CRISPLD2: variants seen among roughly 807,000 people sequenced by gnomAD.
The protein encoded by CRISPLD2 is cysteine-rich secretory protein LCCL domain-containing 2.
In CRISPLD2, 47 loss-of-function variants were observed where a neutral mutation model predicts 71.1. The observed-to-expected ratio is 0.66, with a 90% CI of 0.52 to 0.84. The LOEUF (loss-of-function observed/expected upper bound fraction) is 0.84, where lower values mean the gene tolerates loss of function less well. Among genes scored for constraint, CRISPLD2 ranks in the 40% least tolerant of loss-of-function variants. The probability of loss-of-function intolerance (pLI) is 0.00; values close to 1 mark genes in which losing one functional copy is unlikely to be tolerated. For missense variants in CRISPLD2, 830 were observed against 651.1 expected, an observed-to-expected ratio of 1.27 and a Z score of -2.99; for synonymous variants, 317 against 250.1, an observed-to-expected ratio of 1.27 and a Z score of -2.52.
intron 2 of CRISPLD2, 42 bp from the exon 3 acceptor site, chr16:84,845,744 C>T: frequency 1.4e-6 from 2 of 1,382,538 alleles, no homozygotes; most frequent in Non-Finnish European, 2.1e-6. Flanking sequence ...ATGCCCCTCC[C>T]TCACCCTCAC....
chr16:84,879,149 A>G (rs1238112203), intron 12 of CRISPLD2, among the ~76,000 whole-genome samples: 1 of 152,178 alleles, frequency 6.6e-6, no homozygotes, highest in Non-Finnish European at 1.5e-5. Context: ...CTGCCTCCGC[A>G]CCACCGTCTT....
intron 14 of CRISPLD2, among the ~76,000 whole-genome samples, chr16:84,890,774 A>C (rs1249902738): frequency 6.6e-6 from 1 of 152,132 alleles, no homozygotes; most frequent in East Asian, 1.9e-4. Flanking sequence ...CAGCCTGGGC[A>C]ACAAGAGCAA....
At chr16:84,899,827 C>T (rs532414085) in intron 14 of CRISPLD2, among the ~76,000 whole-genome samples, 1 of 152,132 alleles carries the variant, frequency 6.6e-6, no homozygotes, top group African/African-American at 2.4e-5. Flanking sequence ...ACATGAGAAC[C>T]CACTGCACCG....
intron 14 of CRISPLD2, among the ~76,000 whole-genome samples, chr16:84,895,855 C>A (rs1218378748): frequency 1.3e-5 from 2 of 152,128 alleles, no homozygotes; most frequent in Non-Finnish European, 2.9e-5. Flanking sequence ...GGACTTTTTA[C>A]AGTGTCCCTA....
At chr16:84,867,620 C>T (rs112553155) in intron 7 of CRISPLD2, among the ~76,000 whole-genome samples, 1,550 of 152,294 alleles carry the variant, frequency 0.01, 23 homozygotes, top group African/African-American at 0.036. Context: ...AGGTTGGAGT[C>T]CAGTGGCATG....
intron 6 of CRISPLD2, among the ~76,000 whole-genome samples, chr16:84,859,847 C>T (rs1192726865): frequency 6.6e-6 from 1 of 152,222 alleles, no homozygotes; most frequent in East Asian, 1.9e-4. Context: ...TGCCACTTGG[C>T]CCCTGCCACC....
At position 84,838,663 on chromosome 16, in the gene CRISPLD2, G is replaced by A. The variant is rs1916689629; in HGVS notation, c.168G>A (p.Lys56=). 1 of 1,614,248 alleles carries A rather than the reference G, an allele frequency of 6.2e-7. No individual in the cohort carries two copies. Among genetic ancestry groups the A allele is most frequent in the Non-Finnish European group, 8.5e-7 (1 of 1,180,046 alleles). Residue 56 remains lysine (K), a synonymous_variant, in exon 2 of 15, where the codon AAG becomes AAA. Transcript: ENST00000262424. ...RVRRAIPRED[K]EEILMLHNKL... ...GCAGAGCCATCCCCAGGGAGGACAA[G>A]GAGGAGATCCTCATGCTGCACAACA...
intron 2 of CRISPLD2, chr16:84,839,326 G>A (rs934569343): frequency 2.7e-4 from 68 of 255,898 alleles, no homozygotes; most frequent in Non-Finnish European, 4.4e-4. Flanking sequence ...GCAGAGTGGG[G>A]AGGGGCCCAG....
At chr16:84,827,696 A>T (rs1434938838) in intron 1 of CRISPLD2, among the ~76,000 whole-genome samples, 2 of 151,464 alleles carry the variant, frequency 1.3e-5, no homozygotes, top group African/African-American at 2.4e-5. Flanking sequence ...CCTCCCAAGT[A>T]GCTGGGACTA....
At chr16:84,860,718 C>A (rs898873469) in intron 6 of CRISPLD2, among the ~76,000 whole-genome samples, 1 of 152,174 alleles carries the variant, frequency 6.6e-6, no homozygotes, top group Non-Finnish European at 1.5e-5. Context: ...CCACACTTCC[C>A]CATTCTTTTC....
chr16:84,866,165 A>T (rs368568232), intron 6 of CRISPLD2, among the ~76,000 whole-genome samples: 3 of 151,986 alleles, frequency 2.0e-5, no homozygotes, highest in African/African-American at 7.3e-5. Flanking sequence ...TCCCCAGTGA[A>T]AACCCAGGGA....
intron 6 of CRISPLD2, among the ~76,000 whole-genome samples, chr16:84,858,206 C>T (rs1477649663): frequency 1.3e-5 from 2 of 152,178 alleles, no homozygotes; most frequent in Non-Finnish European, 2.9e-5. Flanking sequence ...TCTGCTGGGT[C>T]GTATGGCCCA....
chr16:84,845,464 T>C (rs1916886415), intron 2 of CRISPLD2, among the ~76,000 whole-genome samples: 1 of 152,224 alleles, frequency 6.6e-6, no homozygotes, highest in Non-Finnish European at 1.5e-5. Flanking sequence ...CCTTCCCTTG[T>C]CTTCCACACA....
At chr16:84,882,049 A>G (rs2071572959) in intron 13 of CRISPLD2, among the ~76,000 whole-genome samples, 1 of 152,216 alleles carries the variant, frequency 6.6e-6, no homozygotes, top group South Asian at 2.1e-4. Context: ...ATGAAGGAGT[A>G]AAATAATATT....
intron 14 of CRISPLD2, among the ~76,000 whole-genome samples, chr16:84,894,348 A>C (rs1241242444): frequency 6.6e-6 from 1 of 152,196 alleles, no homozygotes; most frequent in East Asian, 1.9e-4. Flanking sequence ...CAGATTTTGC[A>C]AGAGATTGGG....
chr16:84,863,746 G>T (rs988867307), intron 6 of CRISPLD2, among the ~76,000 whole-genome samples: 22 of 152,156 alleles, frequency 1.4e-4, no homozygotes, highest in African/African-American at 5.1e-4. Flanking sequence ...GAGGCGGGCA[G>T]ATCACCGAGG....
chr16:84,871,813 A>G (rs944070356), intron 8 of CRISPLD2, among the ~76,000 whole-genome samples: 1 of 144,262 alleles, frequency 6.9e-6, no homozygotes, highest in African/African-American at 2.6e-5. Context: ...TGGCCTCCCA[A>G]AGTGCTGGGA....
intron 6 of CRISPLD2, among the ~76,000 whole-genome samples, chr16:84,865,125 T>C (rs1330454769): frequency 6.6e-6 from 1 of 152,168 alleles, no homozygotes; most frequent in South Asian, 2.1e-4. Context: ...AGCTAAGACT[T>C]AGGGATTGAG....
intron 14 of CRISPLD2, among the ~76,000 whole-genome samples, chr16:84,894,488 C>A (rs1408734059): frequency 6.6e-6 from 1 of 152,142 alleles, no homozygotes; most frequent in Non-Finnish European, 1.5e-5. Flanking sequence ...TCATGGGCAG[C>A]CCCTGCGCTA....
Sources: gnomAD v4.1 joint callset for allele counts (sites outside exome capture counted in the v4.1 genomes callset) on GRCh38, gnomAD v4.1.1 for gene constraint, MANE v1.5 for transcripts, NCBI Gene and HGNC (gene_info 2026-07-23, HGNC 2026-07-21) for gene names.